Variants in KCNMA1 observed in about 807,000 individuals in gnomAD.
KCNMA1 encodes potassium calcium-activated channel subfamily M alpha 1.
Under a neutral mutation model 140.0 loss-of-function variants are expected in KCNMA1, and 29 were observed. The observed-to-expected ratio is 0.21, with a 90% confidence interval of 0.15 to 0.28. The LOEUF (loss-of-function observed/expected upper bound fraction) is 0.28. Among genes scored for constraint, KCNMA1 ranks in the 10% least tolerant of loss-of-function variants. The pLI is 1.00. For synonymous variants in KCNMA1, 612 were observed against 611.9 expected, an observed-to-expected ratio of 1.00 and a Z score of 0.00; for missense variants, 880 against 1,602.2, an observed-to-expected ratio of 0.55 and a Z score of 7.70.
At chr10:77,451,791 G>C (rs1457120335) in intron 1 of KCNMA1, among the ~76,000 whole-genome samples, 1 of 152,148 alleles carries the variant, frequency 6.6e-6, no homozygotes, top group Non-Finnish European at 1.5e-5. Context: ...CTGGATGCCT[G>C]GATGTTTTTT....
chr10:77,584,266 C>A (rs79576347), intron 1 of KCNMA1, among the ~76,000 whole-genome samples: 6 of 152,212 alleles, frequency 3.9e-5, no homozygotes, highest in South Asian at 4.1e-4. Context: ...GCAACAAGCA[C>A]CAACAATCCA....
At chr10:77,561,519 A>G (rs1567556616) in intron 1 of KCNMA1, among the ~76,000 whole-genome samples, 1 of 152,166 alleles carries the variant, frequency 6.6e-6, no homozygotes, top group Non-Finnish European at 1.5e-5. Flanking sequence ...GACCCTCCTA[A>G]TTACCTCCAC....
chr10:77,637,182 C>G (rs1415239469), intron 1 of KCNMA1, 83 bp downstream of exon 1: 2 of 1,348,836 alleles, frequency 1.5e-6, no homozygotes, highest in Non-Finnish European at 2.0e-6. Context: ...CACGGCGCGG[C>G]GCGGAGCGAG....
At chr10:77,096,403 A>G (rs2153812888) in intron 9 of KCNMA1, among the ~76,000 whole-genome samples, 2 of 152,220 alleles carry the variant, frequency 1.3e-5, no homozygotes, top group South Asian at 4.2e-4. Flanking sequence ...GACATCTGCA[A>G]TCGCTTCCTA....
chr10:76,909,433 G>C (rs905080148), intron 25 of KCNMA1, among the ~76,000 whole-genome samples: 1 of 152,102 alleles, frequency 6.6e-6, no homozygotes, highest in African/African-American at 2.4e-5. Flanking sequence ...ATCCTTCAGT[G>C]CCTCTTCATT....
chr10:77,081,874 C>T (rs1298712211), intron 12 of KCNMA1, among the ~76,000 whole-genome samples: 1 of 151,826 alleles, frequency 6.6e-6, no homozygotes, highest in African/African-American at 2.4e-5. Flanking sequence ...GAGGATTATA[C>T]AAATAAGAGA....
intron 5 of KCNMA1, among the ~76,000 whole-genome samples, chr10:77,166,179 T>C (rs1447686965): frequency 6.6e-6 from 1 of 152,142 alleles, no homozygotes; most frequent in Non-Finnish European, 1.5e-5. Flanking sequence ...AAAATAAATA[T>C]AAACAAACAA....
At chr10:77,160,437 T>A (rs976165300) in intron 5 of KCNMA1, among the ~76,000 whole-genome samples, 4 of 152,206 alleles carry the variant, frequency 2.6e-5, no homozygotes, top group African/African-American at 9.7e-5. Flanking sequence ...TACTTTTAAC[T>A]TATAGCATAT....
intron 3 of KCNMA1, among the ~76,000 whole-genome samples, chr10:77,213,707 T>C (rs1032605045): frequency 6.6e-6 from 1 of 152,134 alleles, no homozygotes; most frequent in Non-Finnish European, 1.5e-5. Flanking sequence ...CCCAGGTCCT[T>C]GCTCTGCTGA....
At chr10:77,221,907 G>T (rs1184926294) in intron 3 of KCNMA1, among the ~76,000 whole-genome samples, 2 of 152,194 alleles carry the variant, frequency 1.3e-5, no homozygotes, top group African/African-American at 2.4e-5. Flanking sequence ...GAGCCAGACA[G>T]ATGCAGGTTC....
chr10:77,333,731 G>A (rs1437031192), intron 2 of KCNMA1, among the ~76,000 whole-genome samples: 1 of 152,202 alleles, frequency 6.6e-6, no homozygotes, highest in Admixed American at 6.5e-5. Flanking sequence ...TATTTCAGAT[G>A]AGATGCACTT....
intron 2 of KCNMA1, among the ~76,000 whole-genome samples, chr10:77,301,171 C>T (rs988685401): frequency 2.0e-5 from 3 of 152,132 alleles, no homozygotes; most frequent in African/African-American, 7.2e-5. Flanking sequence ...GAGGTTCTTC[C>T]TCAGGCAGTG....
intron 2 of KCNMA1, among the ~76,000 whole-genome samples, chr10:77,329,209 A>C (rs1399405809): frequency 6.6e-6 from 1 of 152,146 alleles, no homozygotes. Flanking sequence ...ATCATCAAAA[A>C]ACCCTTCATA....
intron 6 of KCNMA1, among the ~76,000 whole-genome samples, chr10:77,116,900 A>G (rs763703088): frequency 8.5e-5 from 13 of 152,110 alleles, no homozygotes; most frequent in Non-Finnish European, 1.6e-4. Flanking sequence ...AAATCCTTCA[A>G]CAGCTCTCAT....
intron 14 of KCNMA1, among the ~76,000 whole-genome samples, chr10:77,042,223 T>A (rs992258119): frequency 1.3e-5 from 2 of 149,390 alleles, no homozygotes; most frequent in African/African-American, 4.9e-5. Context: ...GGTATGATTT[T>A]AAAAATTAAC....
At chr10:77,184,991 G>T (rs1311102019) in intron 3 of KCNMA1, 75 bp from the exon 4 acceptor site, 2 of 874,706 alleles carry the variant, frequency 2.3e-6, no homozygotes, top group Non-Finnish European at 3.9e-6. Flanking sequence ...ATGCTGAGAA[G>T]TGGTAGTGCT....
chr10:77,105,086 AC>A (rs1344855761), intron 9 of KCNMA1, among the ~76,000 whole-genome samples: 2 of 152,176 alleles, frequency 1.3e-5, no homozygotes, highest in African/African-American at 4.8e-5. Flanking sequence ...GGTTGTGGAC[AC>A]CCAAACCCCT....
At chr10:77,543,146 T>A (rs895204107) in intron 1 of KCNMA1, among the ~76,000 whole-genome samples, 8 of 152,176 alleles carry the variant, frequency 5.3e-5, no homozygotes, top group Non-Finnish European at 1.0e-4. Context: ...CATCCCCTCC[T>A]ATATCCCCTC....
chr10:77,182,945 G>A, intron 5 of KCNMA1, among the ~76,000 whole-genome samples: 1 of 152,124 alleles, frequency 6.6e-6, no homozygotes, highest in East Asian at 1.9e-4. Flanking sequence ...GACTCAAGAA[G>A]CTTCATCTCT....
Sources: gnomAD v4.1 joint callset for allele counts (sites outside exome capture counted in the v4.1 genomes callset) on GRCh38, gnomAD v4.1.1 for gene constraint, MANE v1.5 for transcripts, NCBI Gene and HGNC (gene_info 2026-07-23, HGNC 2026-07-21) for gene names.